The following RASIP1 variants were observed in gnomAD, a reference collection of about 807,000 sequenced individuals.
RASIP1 encodes the protein Ras interacting protein 1.
A neutral mutation model predicts 85.3 loss-of-function variants in RASIP1; 20 were observed. The observed-to-expected ratio is 0.23, with a 90% CI of 0.17 to 0.34. The LOEUF (loss-of-function observed/expected upper bound fraction) is 0.34, where lower values mean the gene tolerates loss of function less well. Among genes scored for constraint, RASIP1 ranks in the 10% least tolerant of loss-of-function variants. The pLI, the probability that RASIP1 is intolerant of heterozygous loss-of-function variation, is 1.00. For synonymous variants in RASIP1, 617 were observed against 647.1 expected (o/e 0.95, Z 0.71); for missense variants, 1,170 against 1,390.9 (o/e 0.84, Z 2.53).
chr19:48,739,459 G>A lies in RASIP1; in HGVS notation c.324C>T (p.Gly108=). The change falls in exon 3 of 12, where the codon GGC becomes GGT. Residue 108 remains glycine, a synonymous_variant. Transcript: ENST00000222145. The surrounding 1 kb of genome is among the most constrained non-coding windows in gnomAD (Gnocchi z 9.2). The part of the protein sequence containing the change: ...TGTTGSSGAG[G]PGTPGGAQRW... ...GCTGCGCGCCCCCCGGGGTCCCAGG[G>A]CCTCCTGCGCCGCTGGACCCCGTGG... 1.4e-6 allele frequency: 2 copies of A among 1,469,290 alleles called. No homozygotes were observed. Among genetic ancestry groups the A allele is most frequent in the Non-Finnish European group, 9.0e-7 (1 of 1,115,964 alleles). 91.0% of individuals were successfully genotyped at this position (1,469,290 alleles called of 1,614,324 possible). A position where few individuals can be genotyped will look rare whatever the true frequency, so the allele number is the denominator to read the frequency against.
intron 4 of RASIP1, among the ~76,000 whole-genome samples, chr19:48,734,019 G>C (rs571064633): frequency 9.9e-5 from 15 of 152,080 alleles, no homozygotes; most frequent in African/African-American, 3.6e-4. Flanking sequence ...TTTTAGGCCG[G>C]GCACAGTGGC....
chr19:48,723,803 CT>C (rs34173404), intron 10 of RASIP1, among the ~76,000 whole-genome samples: 1,875 of 127,024 alleles, frequency 0.015, 39 homozygotes, highest in African/African-American at 0.05. Context: ...ACCCTGGAAA[CT>C]TTTTTTTTTT....
chr19:48,728,410 G>A (rs2033379308), intron 5 of RASIP1, among the ~76,000 whole-genome samples: 1 of 152,142 alleles, frequency 6.6e-6, no homozygotes, highest in African/African-American at 2.4e-5. Context: ...GTGAGTTTGG[G>A]CTTCCCTCTA....
chr19:48,734,491 T>C (rs867391129), intron 4 of RASIP1, among the ~76,000 whole-genome samples: 17,652 of 131,804 alleles, frequency 0.13, 1,313 homozygotes, highest in Middle Eastern at 0.29. Context: ...TTTTTCTTTC[T>C]TTTTTTTTTT....
Position 48,739,110 on chromosome 19 carries a change from G to T in RASIP1, c.673C>A (p.His225Asn). The change falls in exon 3 of 12, where the codon CAC (histidine) becomes AAC (asparagine). Residue 225 changes from histidine (H) to asparagine (N), a missense_variant. Physicochemically the swap from His to Asn is moderately conservative, Grantham distance 68. Transcript: ENST00000222145. The surrounding 1 kb of genome is among the most constrained non-coding windows in gnomAD (Gnocchi z 9.2). ...TCGGAGTCGCCCAGCACGCGCAGGT[G>T]CTCCGCCCGCCACTCGCCGCTTCCC... ...GVGSGEWRAE[H>N]LRVLGDSERP... The T allele has an allele frequency of 7.5e-7, 1 of 1,330,090 alleles. No individual in the cohort carries two copies. The allele number at this position is 1,330,090 out of a possible 1,614,324, so 82.4% of individuals were successfully genotyped here.
In RASIP1 at chr19:48,724,867, G is replaced by T. The variant is rs748122600; in HGVS notation, c.2221C>A (p.Pro741Thr). 3 of 1,614,244 alleles carry T rather than the reference G, an allele frequency of 1.9e-6. No individual in the cohort carries two copies. Among genetic ancestry groups the T allele is most frequent in the Non-Finnish European group, 2.5e-6 (3 of 1,180,048 alleles). ...CCCAGGGTAGGTCTCAATCCTGGAGGCATGGCCCCCAGCTCCGCGCCAGGC... is the reference window on the plus strand; with the variant it reads ...CCCAGGGTAGGTCTCAATCCTGGAGTCATGGCCCCCAGCTCCGCGCCAGGC... The part of the protein sequence containing the change: ...PGPGAELGAM[P>T]PGLRPTLGVF... Residue 741 changes from proline (P) to threonine (T), a missense_variant, in exon 9 of 12, where the codon CCT becomes ACT. Physicochemically the swap from Pro to Thr is conservative, Grantham distance 38 (BLOSUM62 -1). Around this residue, in one of 4 missense-constraint regions of RASIP1, gnomAD observed 426 missense variants for 576.2 expected, o/e 0.74. Transcript: ENST00000222145. This position sits in a 1 kb window ranked among gnomAD's most constrained non-coding sequence, Gnocchi z 4.6.
intron 3 of RASIP1, 99 bp from the exon 4 acceptor site, chr19:48,735,650 G>T: frequency 3.4e-6 from 4 of 1,188,034 alleles, no homozygotes; most frequent in Non-Finnish European, 4.6e-6. Context: ...AGAGAGGTGA[G>T]GCTGCTTCCC....
chr19:48,726,709 C>T, intron 8 of RASIP1, 76 bp downstream of exon 8: 2 of 1,181,276 alleles, frequency 1.7e-6, no homozygotes, highest in Non-Finnish European at 2.4e-6. Context: ...AGTGATGTTA[C>T]CACAAACAGG....
In RASIP1 at chr19:48,740,313, C is replaced by T; in HGVS notation, c.-4-27G>A. 2 of 1,553,116 alleles carry T rather than the reference C, an allele frequency of 1.3e-6. No individual in the cohort carries two copies. The highest frequency in any genetic ancestry group is 1.2e-5 in the South Asian group (1 of 84,564). ...TAAGGGAAGGCGGGTAAGGCCCCAA[C>T]TCCTAAGGCATTCTTGTGGGGATGG... is the stretch of plus-strand genomic sequence containing the variant. On this transcript the variant is annotated intron_variant, in intron 1 of 11. Transcript: ENST00000222145. This position sits in a 1 kb window ranked among gnomAD's most constrained non-coding sequence, Gnocchi z 5.5.
In RASIP1 at chr19:48,740,064, A is replaced by G. The variant is rs1435192615; in HGVS notation, c.137+82T>C. 7 of 1,461,044 alleles carry G rather than the reference A, an allele frequency of 4.8e-6. No individual in the cohort carries two copies. In the East Asian group the frequency reaches 1.0e-4, roughly 22 times the overall value. 90.5% of individuals were successfully genotyped at this position (1,461,044 alleles called of 1,614,324 possible). On this transcript the variant is annotated intron_variant, in intron 2 of 11. Coordinates refer to ENST00000222145, the MANE Select transcript of RASIP1 (RefSeq NM_017805.3). This position sits in a 1 kb window ranked among gnomAD's most constrained non-coding sequence, Gnocchi z 5.5. ...ATTCAGGATGAGGACCGGAGCCAAC[A>G]CTTTGCAGGGACTGGGCAGTGAACA...
At chr19:48,733,524 G>A (rs1181565598) in intron 4 of RASIP1, among the ~76,000 whole-genome samples, 1 of 152,202 alleles carries the variant, frequency 6.6e-6, no homozygotes, top group Non-Finnish European at 1.5e-5. Flanking sequence ...GGTCAGTGCT[G>A]GCCGGGAGCG....
intron 3 of RASIP1, chr19:48,737,322 A>G (rs973549758): frequency 4.0e-5 from 12 of 303,578 alleles, no homozygotes; most frequent in African/African-American, 9.1e-5. Flanking sequence ...ACAACATTCT[A>G]TCTCCCAAAA....
At chr19:48,737,888 C>T in intron 3 of RASIP1, 1 of 984,328 alleles carries the variant, frequency 1.0e-6, no homozygotes, top group Non-Finnish European at 1.2e-6. Flanking sequence ...GCTTACTCTT[C>T]CGGCTCCTAG....
Position 48,729,563 on chromosome 19 carries a change from C to G in RASIP1, c.1207G>C (p.Glu403Gln), listed in dbSNP as rs1270904619. 3 of 1,601,344 alleles carry G rather than the reference C, an allele frequency of 1.9e-6. No homozygotes were observed. Among genetic ancestry groups the G allele is most frequent in the Non-Finnish European group, 2.6e-6 (3 of 1,174,410 alleles). ...CCACCTCGCCCAAACACGTGCTGCT[C>G]TCGCGTCATCACATACACCACAAAG... ...QDFVVYVMTR[E>Q]QHVFGRGGNS... The change falls in exon 5 of 12, where the codon GAG (glutamate) becomes CAG (glutamine). Residue 403 changes from glutamate to glutamine, a missense_variant. Glu to Gln is a conservative substitution (Grantham distance 29). Coordinates refer to ENST00000222145, the MANE Select transcript of RASIP1 (RefSeq NM_017805.3).
intron 3 of RASIP1, 30 bp from the exon 4 acceptor site, chr19:48,735,581 A>G: frequency 6.7e-7 from 1 of 1,491,400 alleles, no homozygotes; most frequent in Non-Finnish European, 8.9e-7. Flanking sequence ...AGTGAGGCTG[A>G]GCCTGGAAAG....
In RASIP1 at chr19:48,739,441, G is replaced by T. The variant is rs1453244302; in HGVS notation, c.342C>A (p.Gly114=). The change falls in exon 3 of 12, where the codon GGC becomes GGA. Residue 114 remains glycine (G), a synonymous_variant. Coordinates refer to ENST00000222145, the MANE Select transcript of RASIP1 (RefSeq NM_017805.3). This position sits in a 1 kb window ranked among gnomAD's most constrained non-coding sequence, Gnocchi z 9.2. Reference sequence around the variant, plus strand: ...TCTTCTCGCTGGCCCAGCGCTGCGCGCCCCCCGGGGTCCCAGGGCCTCCTG... The same window carrying T: ...TCTTCTCGCTGGCCCAGCGCTGCGCTCCCCCCGGGGTCCCAGGGCCTCCTG... ...SGAGGPGTPG[G]AQRWASEKKL... 6.9e-7 allele frequency: 1 copy of T among 1,447,848 alleles called. No homozygotes were observed. Among genetic ancestry groups the T allele is most frequent in the Non-Finnish European group, 9.0e-7 (1 of 1,105,790 alleles). The allele number at this position is 1,447,848 out of a possible 1,614,324, so 89.7% of individuals were successfully genotyped here. A position where few individuals can be genotyped will look rare whatever the true frequency, so the allele number is the denominator to read the frequency against.
chr19:48,737,790 T>A, intron 3 of RASIP1: 17 of 984,350 alleles, frequency 1.7e-5, no homozygotes, highest in Non-Finnish European at 1.9e-5. Flanking sequence ...CAGACCACGC[T>A]TTTCCACAAG....
chr19:48,726,774 C>T lies in RASIP1; in HGVS notation c.2127+11G>A. 6.3e-7 allele frequency: 1 copy of T among 1,588,098 alleles called. No homozygotes were observed. Among genetic ancestry groups the T allele is most frequent in the Non-Finnish European group, 8.6e-7 (1 of 1,168,498 alleles). ...GCTATGTCAAACAGGAAGTAAGAGGCAAGGGCCAACCTTGGTGAGGTAGTA... is the reference window on the plus strand; with the variant it reads ...GCTATGTCAAACAGGAAGTAAGAGGTAAGGGCCAACCTTGGTGAGGTAGTA... On this transcript the variant is annotated intron_variant, in intron 8 of 11. Transcript: ENST00000222145.
At chr19:48,732,047 C>T (rs543254) in intron 4 of RASIP1, among the ~76,000 whole-genome samples, 6,801 of 149,674 alleles carry the variant, frequency 0.045, 491 homozygotes, top group African/African-American at 0.16. Flanking sequence ...TCAAATGAAA[C>T]CTTTTTTTTT....
Sources: gnomAD v4.1 joint callset for allele counts (sites outside exome capture counted in the v4.1 genomes callset) on GRCh38, gnomAD v4.1.1 for gene constraint, gnomAD v4.1.1 regional missense constraint, Gnocchi (gnomAD v3.1) non-coding constraint, MANE v1.5 for transcripts, NCBI Gene and HGNC (gene_info 2026-07-23, HGNC 2026-07-21) for gene names.